The following PLEKHB2 variants were observed in gnomAD, a reference collection of about 807,000 sequenced individuals.
The protein encoded by PLEKHB2 is pleckstrin homology domain containing B2.
A neutral mutation model predicts 36.5 loss-of-function variants in PLEKHB2; 31 were observed. The observed-to-expected ratio is 0.85, with a 90% CI of 0.64 to 1.15. The LOEUF (loss-of-function observed/expected upper bound fraction) is 1.15, where lower values mean the gene tolerates loss of function less well. Among genes scored for constraint, PLEKHB2 ranks in the 50% most tolerant of loss-of-function variants. PLEKHB2 has a pLI of 0.00. For synonymous variants in PLEKHB2, 119 were observed against 112.0 expected (o/e 1.06, Z -0.39); for missense variants, 262 against 295.3 (o/e 0.89, Z 0.83).
intron 7 of PLEKHB2, among the ~76,000 whole-genome samples, chr2:131,145,652 T>G (rs1341178179): frequency 6.6e-6 from 1 of 152,080 alleles, no homozygotes; most frequent in African/African-American, 2.4e-5. Flanking sequence ...CTTTGAACCA[T>G]TAAAGGAATA....
intron 1 of PLEKHB2, 193 bp from the exon 2 acceptor site, chr2:131,120,741 G>GGA: frequency 1.5e-6 from 1 of 654,418 alleles, no homozygotes. Flanking sequence ...TGGGAGGAAG[G>GGA]GAGGGGGTAC....
intron 1 of PLEKHB2, among the ~76,000 whole-genome samples, chr2:131,113,697 TAG>T (rs1695563592): frequency 1.3e-5 from 2 of 152,176 alleles, no homozygotes; most frequent in South Asian, 4.1e-4. Flanking sequence ...TGCTCTGAGC[TAG>T]AGTCTGAGAA....
Position 131,120,965 on chromosome 2 carries a change from G to A in PLEKHB2, c.24G>A (p.Trp8Ter), listed in dbSNP as rs1223941995. MAFVKSG[W>*]LLRQSTILKR... ...AGATGGCGTTTGTGAAGAGTGGCTG[G>A]TTGCTGCGACAGAGTGAGTACAGGA... Residue 8 changes from tryptophan (W) to a stop codon, truncating the protein, a stop_gained, in exon 2 of 8, where the codon TGG (tryptophan) becomes TGA (stop). Coordinates refer to ENST00000693505, the MANE Select transcript of PLEKHB2 (RefSeq NM_001100623.2). LOFTEE classifies it high-confidence loss of function. The A allele has an allele frequency of 6.2e-7, 1 of 1,614,218 alleles. No individual in the cohort carries two copies.
intron 7 of PLEKHB2, among the ~76,000 whole-genome samples, chr2:131,143,085 G>A (rs1698953485): frequency 6.6e-6 from 1 of 152,116 alleles, no homozygotes; most frequent in South Asian, 2.1e-4. Context: ...ATTATAATAG[G>A]CTTTGTGTTA....
In PLEKHB2 at chr2:131,131,264, T is replaced by A. The variant is rs776943843; in HGVS notation, c.333+504T>A. Among the ~76,000 whole-genome samples, 39 of 152,244 alleles carry A rather than the reference T, an allele frequency of 2.6e-4. 1 individual carries two copies. The highest frequency in any genetic ancestry group is 5.0e-4 in the Non-Finnish European group (34 of 68,046). On this transcript the variant is annotated intron_variant, in intron 5 of 7. Transcript: ENST00000693505. ...AGGCACCCTGCTCTTACAGGCATGC[T>A]TGTTCCAGTGTTGCTTTCTAGAAAT...
At chr2:131,137,595 AT>A (rs1235978558) in intron 6 of PLEKHB2, among the ~76,000 whole-genome samples, 1 of 152,230 alleles carries the variant, frequency 6.6e-6, no homozygotes, top group Non-Finnish European at 1.5e-5. Context: ...TGCAGAGTCT[AT>A]AGTAAAAATC....
intron 1 of PLEKHB2, among the ~76,000 whole-genome samples, chr2:131,118,307 C>T (rs977141773): frequency 2.0e-5 from 3 of 152,030 alleles, no homozygotes; most frequent in Non-Finnish European, 4.4e-5. Flanking sequence ...AAAAACATTT[C>T]GTTTCTTGGT....
chr2:131,137,163 G>A lies in PLEKHB2; in HGVS notation c.424-3004G>A, dbSNP rs1394566444. Among the ~76,000 whole-genome samples the A allele has an allele frequency of 2.0e-5, 3 of 149,036 alleles. 1 individual carries two copies. Among genetic ancestry groups the A allele is most frequent in the African/African-American group, 5.2e-5 (2 of 38,792 alleles). On this transcript the variant is annotated intron_variant, in intron 6 of 7. Coordinates refer to ENST00000693505, the MANE Select transcript of PLEKHB2 (RefSeq NM_001100623.2). ...GGGGTTTCACTGTGTTAGCCAGGAC[G>A]GTCTCGATCTCCTGACCTCGTGATC...
intron 2 of PLEKHB2, among the ~76,000 whole-genome samples, chr2:131,123,605 A>G (rs1314199576): frequency 6.6e-6 from 1 of 151,600 alleles, no homozygotes; most frequent in Non-Finnish European, 1.5e-5. Flanking sequence ...ACTTACTGCA[A>G]CCTCTGCCTC....
chr2:131,106,880 C>A (rs1694790526), intron 1 of PLEKHB2, among the ~76,000 whole-genome samples: 2 of 152,180 alleles, frequency 1.3e-5, no homozygotes, highest in Admixed American at 6.5e-5. Context: ...CAGAAAAGAA[C>A]TCAGAACCTG....
At chr2:131,119,475 G>A (rs757869487) in intron 1 of PLEKHB2, among the ~76,000 whole-genome samples, 1 of 152,158 alleles carries the variant, frequency 6.6e-6, no homozygotes, top group Non-Finnish European at 1.5e-5. Flanking sequence ...GGAGGTACCC[G>A]CTCAGCAGTC....
intron 4 of PLEKHB2, among the ~76,000 whole-genome samples, chr2:131,127,459 C>T (rs1292141945): frequency 6.6e-6 from 1 of 152,200 alleles, no homozygotes; most frequent in Non-Finnish European, 1.5e-5. Context: ...ATGACCTTAT[C>T]TTAATTTGAT....
In PLEKHB2 at chr2:131,116,604, C is replaced by CT. The variant is rs1290838721; in HGVS notation, c.-8-4329dup. Reference sequence around the variant, plus strand: ...TAAACAAGTAGATCTCCTGAGAACTCTATCACAAGACCAGCAACAGGGATA... The same window carrying CT: ...TAAACAAGTAGATCTCCTGAGAACTCTTATCACAAGACCAGCAACAGGGATA... On this transcript the variant is annotated intron_variant, in intron 1 of 7. Coordinates refer to ENST00000693505, the MANE Select transcript of PLEKHB2 (RefSeq NM_001100623.2). Among the ~76,000 whole-genome samples, 5 of 152,104 alleles carry CT rather than the reference C, an allele frequency of 3.3e-5. No homozygotes were observed. The East Asian group carries it at 5.8e-4, about 18-fold the overall frequency.
intron 1 of PLEKHB2, among the ~76,000 whole-genome samples, chr2:131,113,806 T>TC (rs1695577746): frequency 6.6e-6 from 1 of 152,150 alleles, no homozygotes; most frequent in Admixed American, 6.5e-5. Context: ...ACGCCCAGTC[T>TC]CCAGAGGCAT....
chr2:131,129,054 G>A (rs938842331), intron 4 of PLEKHB2, among the ~76,000 whole-genome samples: 1 of 152,250 alleles, frequency 6.6e-6, no homozygotes, highest in Non-Finnish European at 1.5e-5. Flanking sequence ...GCTGGGTGTG[G>A]TGGCTCAAGC....
At chr2:131,119,264 A>G (rs1696217427) in intron 1 of PLEKHB2, among the ~76,000 whole-genome samples, 1 of 152,162 alleles carries the variant, frequency 6.6e-6, no homozygotes, top group Admixed American at 6.5e-5. Context: ...TCACAAAAAA[A>G]AAAGCATGCA....
intron 1 of PLEKHB2, chr2:131,118,817 G>A (rs1179803130): frequency 8.1e-6 from 1 of 123,380 alleles, no homozygotes; most frequent in African/African-American, 3.0e-5. Context: ...GCAGTGAGCC[G>A]AGATTGCGCC....
chr2:131,118,733 T>G (rs2104820237), intron 1 of PLEKHB2, among the ~76,000 whole-genome samples: 1 of 151,256 alleles, frequency 6.6e-6, no homozygotes, highest in East Asian at 2.0e-4. Flanking sequence ...CCGGGCGTGG[T>G]GGCGGGCACC....
chr2:131,145,685 C>T (rs919909887), intron 7 of PLEKHB2, among the ~76,000 whole-genome samples: 3 of 152,132 alleles, frequency 2.0e-5, no homozygotes, highest in African/African-American at 2.4e-5. Flanking sequence ...GGAAAGTTAA[C>T]GCTATTAATA....
Sources: allele counts gnomAD v4.1 joint callset (sites outside exome capture counted in the v4.1 genomes callset), GRCh38; gene constraint gnomAD v4.1.1; transcripts MANE v1.5; gene names NCBI Gene and HGNC (gene_info 2026-07-23, HGNC 2026-07-21).